The following HVCN1 variants were observed in gnomAD, a reference collection of about 807,000 sequenced individuals.
HVCN1 encodes the protein voltage-gated hydrogen channel 1.
In HVCN1, 14 loss-of-function variants were observed where a neutral mutation model predicts 29.2. The observed-to-expected ratio is 0.48, with a 90% confidence interval of 0.32 to 0.75. The LOEUF (loss-of-function observed/expected upper bound fraction) is 0.75, where lower values mean the gene tolerates loss of function less well. HVCN1 is among the 30% of genes least tolerant of loss of function. The pLI is 0.04. For synonymous variants in HVCN1, 131 were observed against 133.2 expected (o/e 0.98, Z 0.11); for missense variants, 263 against 341.8 (o/e 0.77, Z 1.82).
rs898697557 is a variant in HVCN1, at chr12:110,676,373, G to T, written c.21+6852C>A. ...CCCTGTGCAGAAAAGGGCCAGCCCA[G>T]CGGTCCCGAGGCTGCCTTCCTCAGA... On this transcript the variant is annotated intron_variant, in intron 3 of 7. Coordinates refer to ENST00000242607, the MANE Select transcript of HVCN1 (RefSeq NM_032369.4). The surrounding 1 kb of genome is among the most constrained non-coding windows in gnomAD (Gnocchi z 4.1). 6.6e-6 allele frequency among the ~76,000 whole-genome samples: 1 copy of T among 152,198 alleles called. No individual in the cohort carries two copies. Among genetic ancestry groups the T allele is most frequent in the African/African-American group, 2.4e-5 (1 of 41,452 alleles).
At chr12:110,674,095 G>A (rs1414819381) in intron 3 of HVCN1, among the ~76,000 whole-genome samples, 1 of 152,246 alleles carries the variant, frequency 6.6e-6, no homozygotes, top group East Asian at 1.9e-4. Context: ...AGCCACAGGG[G>A]CGGGGCTGCC....
intron 6 of HVCN1, 54 bp downstream of exon 6, chr12:110,651,163 T>A (rs2067799712): frequency 7.5e-7 from 1 of 1,341,010 alleles, no homozygotes. Context: ...AGGCCTTGGA[T>A]GTATGCCTGG....
At chr12:110,672,851 C>T (rs1334204845) in intron 3 of HVCN1, among the ~76,000 whole-genome samples, 1 of 152,210 alleles carries the variant, frequency 6.6e-6, no homozygotes. Flanking sequence ...GTGCCTTTCG[C>T]CTCCTGCCAT....
At chr12:110,678,916 A>G (rs1176263141) in intron 3 of HVCN1, among the ~76,000 whole-genome samples, 1 of 152,230 alleles carries the variant, frequency 6.6e-6, no homozygotes, top group Non-Finnish European at 1.5e-5. Context: ...AGTCATGTCA[A>G]CCAGGAGCAG....
intron 3 of HVCN1, among the ~76,000 whole-genome samples, chr12:110,677,126 GC>G (rs1270057617): frequency 1.3e-5 from 2 of 151,964 alleles, no homozygotes; most frequent in African/African-American, 4.8e-5. Flanking sequence ...GATCGCTTGA[GC>G]CCAGAATGTT....
intron 3 of HVCN1, among the ~76,000 whole-genome samples, chr12:110,666,050 T>G (rs573420746): frequency 7.1e-4 from 108 of 151,528 alleles, no homozygotes; most frequent in Non-Finnish European, 1.3e-3. Context: ...GATGGATATT[T>G]TAGAACTGAA....
At chr12:110,663,100 C>T (rs1026953872) in intron 3 of HVCN1, among the ~76,000 whole-genome samples, 5 of 152,034 alleles carry the variant, frequency 3.3e-5, no homozygotes, top group East Asian at 1.9e-4. Context: ...TCGGTGAGGG[C>T]GTGAAGCAAT....
chr12:110,691,577 A>C (rs1343182592), upstream of HVCN1, among the ~76,000 whole-genome samples: 2 of 151,838 alleles, frequency 1.3e-5, no homozygotes, highest in Middle Eastern at 3.4e-3. Flanking sequence ...CTCTGTGTTC[A>C]CTCCCCTCTG....
chr12:110,660,720 G>A (rs904497067), intron 4 of HVCN1, among the ~76,000 whole-genome samples: 1 of 152,150 alleles, frequency 6.6e-6, no homozygotes, highest in Non-Finnish European at 1.5e-5. Context: ...TGTGGCAGCC[G>A]CCAATCTGCT....
intron 3 of HVCN1, among the ~76,000 whole-genome samples, chr12:110,666,644 C>T (rs1190690705): frequency 6.6e-6 from 1 of 152,164 alleles, no homozygotes; most frequent in African/African-American, 2.4e-5. Flanking sequence ...CTCCAGCCAC[C>T]CTTCTGTCCC....
At chr12:110,662,271 A>G (rs1048869673) in intron 3 of HVCN1, among the ~76,000 whole-genome samples, 1 of 152,204 alleles carries the variant, frequency 6.6e-6, no homozygotes, top group Non-Finnish European at 1.5e-5. Flanking sequence ...CCCCCCACAC[A>G]GAATACATCT....
At chr12:110,666,509 A>G (rs1400831506) in intron 3 of HVCN1, among the ~76,000 whole-genome samples, 8 of 152,210 alleles carry the variant, frequency 5.3e-5, no homozygotes. Flanking sequence ...ACAGGGAGAA[A>G]AAAAAGCTGA....
chr12:110,696,973 G>T (rs1269137649), intron 2 of HVCN1, among the ~76,000 whole-genome samples: 1 of 152,004 alleles, frequency 6.6e-6, no homozygotes, highest in Non-Finnish European at 1.5e-5. Context: ...GAAGGAAAAA[G>T]GGGCATGATT....
intron 4 of HVCN1, among the ~76,000 whole-genome samples, chr12:110,659,805 C>T (rs1308585483): frequency 6.6e-6 from 1 of 152,258 alleles, no homozygotes; most frequent in Non-Finnish European, 1.5e-5. Context: ...TAGTGGCTCA[C>T]GCCTGTAATC....
rs140410574 is a variant in HVCN1, at chr12:110,698,855, C to T, written c.-104+3454G>A. Among the ~76,000 whole-genome samples, 532 of 152,276 alleles carry T rather than the reference C, an allele frequency of 3.5e-3. 4 individuals are homozygous for T. Among genetic ancestry groups the T allele is most frequent in the African/African-American group, 0.012 (514 of 41,540 alleles). The stretch of plus-strand genomic sequence containing the variant: ...TCAAGAACACACAGCCAGCCGGGCA[C>T]GGTGGCTCACGCCTGTAATCCCAAC... On this transcript the variant is annotated intron_variant, in intron 2 of 4. Coordinates refer to the HVCN1 transcript ENST00000546713.
chr12:110,651,994 C>T (rs1432750896), intron 5 of HVCN1, among the ~76,000 whole-genome samples: 2 of 152,300 alleles, frequency 1.3e-5, no homozygotes, highest in East Asian at 1.9e-4. Context: ...ATAGCAAGAC[C>T]CCATCTCTAA....
intron 3 of HVCN1, among the ~76,000 whole-genome samples, chr12:110,663,580 G>T (rs1183975346): frequency 1.8e-5 from 2 of 109,816 alleles, no homozygotes; most frequent in Admixed American, 1.3e-4. Context: ...AGAGTGAGAC[G>T]CTGTCTCAAA....
At chr12:110,670,940 C>T (rs896908741) in intron 3 of HVCN1, among the ~76,000 whole-genome samples, 2 of 152,102 alleles carry the variant, frequency 1.3e-5, no homozygotes, top group African/African-American at 4.8e-5. Flanking sequence ...GCCTGTAATC[C>T]CAGCACTTTG....
intron 5 of HVCN1, among the ~76,000 whole-genome samples, chr12:110,654,339 T>A (rs2067913207): frequency 6.6e-6 from 1 of 151,934 alleles, no homozygotes; most frequent in Admixed American, 6.6e-5. Flanking sequence ...GGGCTGCCTC[T>A]GGGAAAGGTA....
Sources: gnomAD v4.1 joint callset for allele counts (sites outside exome capture counted in the v4.1 genomes callset) on GRCh38, gnomAD v4.1.1 for gene constraint, Gnocchi (gnomAD v3.1) non-coding constraint, MANE v1.5 for transcripts, NCBI Gene and HGNC (gene_info 2026-07-23, HGNC 2026-07-21) for gene names.